PDHX: variants seen among roughly 807,000 people sequenced by gnomAD.
PDHX encodes the protein pyruvate dehydrogenase protein X component, mitochondrial.
In PDHX, 33 loss-of-function variants were observed where a neutral mutation model predicts 55.3. The ratio of observed to expected loss-of-function variants is 0.60; its 90% confidence interval spans 0.45 to 0.80. The LOEUF (loss-of-function observed/expected upper bound fraction) is 0.80. PDHX is among the 30% of genes least tolerant of loss of function. The probability of loss-of-function intolerance (pLI) is 0.00; values close to 1 mark genes in which losing one functional copy is unlikely to be tolerated. For missense variants in PDHX, 622 were observed against 619.9 expected (o/e 1.00, Z -0.04); for synonymous variants, 226 against 219.4 (o/e 1.03, Z -0.27).
At chr11:34,936,558 A>G (rs1038532034) in intron 2 of PDHX, among the ~76,000 whole-genome samples, 2 of 152,154 alleles carry the variant, frequency 1.3e-5, no homozygotes, top group African/African-American at 4.8e-5. Context: ...TTCCAGCTAG[A>G]AAAACATGGG....
chr11:34,940,341 A>G (rs1022119611), intron 2 of PDHX, among the ~76,000 whole-genome samples: 2 of 152,220 alleles, frequency 1.3e-5, no homozygotes. Context: ...TTACTGTATA[A>G]AATTCAGAAA....
chr11:34,984,455 A>T, intron 8 of PDHX, 115 bp from the exon 9 acceptor site: 2 of 829,576 alleles, frequency 2.4e-6, no homozygotes, highest in Non-Finnish European at 3.8e-6. Flanking sequence ...ATTTTTATTT[A>T]TTTTCTCTTA....
chr11:34,986,559 A>G (rs998979157), intron 9 of PDHX, among the ~76,000 whole-genome samples: 3 of 152,206 alleles, frequency 2.0e-5, no homozygotes, highest in African/African-American at 7.2e-5. Flanking sequence ...TTATTTTTAT[A>G]TACATTAAAT....
chr11:34,966,656 G>C lies in PDHX; in HGVS notation c.658G>C (p.Val220Leu), dbSNP rs765747426. 4 of 1,613,720 alleles carry C rather than the reference G, an allele frequency of 2.5e-6. No individual in the cohort carries two copies. The highest frequency in any genetic ancestry group is 2.7e-5 in the African/African-American group (2 of 74,764). The change falls in exon 6 of 11, where the codon GTC (valine) becomes CTC (leucine). Residue 220 changes from valine to leucine, a missense_variant. Coordinates refer to ENST00000227868, the MANE Select transcript of PDHX (RefSeq NM_003477.3). The part of the protein sequence containing the change: ...IFTKEDALKL[V>L]QLKQTGKITE... ...TATTTCCAGGGATGCTCTCAAACTT[G>C]TCCAGTTGAAACAAACGGGCAAGAT...
At chr11:34,935,266 G>A (rs1854281825) in intron 2 of PDHX, among the ~76,000 whole-genome samples, 1 of 152,082 alleles carries the variant, frequency 6.6e-6, no homozygotes, top group Admixed American at 6.5e-5. Flanking sequence ...TTGGAATGTT[G>A]ATATTATTAA....
At chr11:34,964,699 T>C (rs1855089077) in intron 5 of PDHX, among the ~76,000 whole-genome samples, 1 of 148,398 alleles carries the variant, frequency 6.7e-6, no homozygotes, top group Non-Finnish European at 1.5e-5. Context: ...CCCAAGAACC[T>C]TAATTACTAC....
chr11:34,972,141 G>A (rs2761823), intron 7 of PDHX, among the ~76,000 whole-genome samples: 121,637 of 151,708 alleles, frequency 0.8, 48,942 homozygotes, highest in African/African-American at 0.83. Flanking sequence ...TATCAGTTCT[G>A]TTGATCTCGA....
chr11:34,920,075 G>A (rs1853835987), intron 1 of PDHX, among the ~76,000 whole-genome samples: 1 of 152,208 alleles, frequency 6.6e-6, no homozygotes, highest in South Asian at 2.1e-4. Flanking sequence ...AGAGGTGACA[G>A]CCCTTACAGG....
intron 9 of PDHX, among the ~76,000 whole-genome samples, chr11:34,985,992 G>A (rs1217751115): frequency 2.0e-5 from 3 of 152,108 alleles, no homozygotes; most frequent in South Asian, 2.1e-4. Flanking sequence ...GTGTTTGATC[G>A]ATAAAAATGC....
chr11:34,916,857 T>G (rs1590721820), intron 1 of PDHX, 42 bp downstream of exon 1: 1 of 1,512,974 alleles, frequency 6.6e-7, no homozygotes, highest in Non-Finnish European at 9.0e-7. Flanking sequence ...TGTAGCTGAG[T>G]GATGGGCCTG....
intron 5 of PDHX, among the ~76,000 whole-genome samples, chr11:34,966,058 AT>A (rs1276435598): frequency 6.6e-6 from 1 of 152,094 alleles, no homozygotes; most frequent in Non-Finnish European, 1.5e-5. Context: ...GTAACTAGTT[AT>A]TTTTCATTCT....
intron 1 of PDHX, among the ~76,000 whole-genome samples, chr11:34,917,134 C>T (rs978098060): frequency 1.6e-4 from 24 of 152,242 alleles, no homozygotes; most frequent in African/African-American, 5.5e-4. Flanking sequence ...CCAATCAAGG[C>T]TCAGGTTTCT....
chr11:34,994,299 T>C (rs528232578), intron 10 of PDHX, among the ~76,000 whole-genome samples: 3 of 152,216 alleles, frequency 2.0e-5, no homozygotes, highest in Non-Finnish European at 4.4e-5. Context: ...GATGAGTATT[T>C]GGGTATCTAA....
intron 5 of PDHX, among the ~76,000 whole-genome samples, chr11:34,964,010 G>T (rs1855076859): frequency 6.6e-6 from 1 of 152,152 alleles, no homozygotes; most frequent in Admixed American, 6.5e-5. Context: ...ATGAATTCAT[G>T]TCACACCCAA....
intron 8 of PDHX, among the ~76,000 whole-genome samples, chr11:34,983,829 T>G (rs2133997055): frequency 6.6e-6 from 1 of 152,246 alleles, no homozygotes; most frequent in Admixed American, 6.5e-5. Flanking sequence ...GAATCGATAT[T>G]GTGAAAATGG....
chr11:34,939,550 A>T (rs993779792), intron 2 of PDHX, among the ~76,000 whole-genome samples: 1 of 152,168 alleles, frequency 6.6e-6, no homozygotes, highest in Non-Finnish European at 1.5e-5. Context: ...GTAAGGGTGC[A>T]AAGAAAAAAC....
intron 7 of PDHX, among the ~76,000 whole-genome samples, chr11:34,973,260 C>T (rs1188294596): frequency 2.6e-5 from 4 of 152,118 alleles, no homozygotes; most frequent in African/African-American, 9.7e-5. Context: ...TTCTTTGACT[C>T]GTGTTTCTAT....
chr11:34,964,301 G>A (rs1186699035), intron 5 of PDHX, among the ~76,000 whole-genome samples: 8 of 152,054 alleles, frequency 5.3e-5, no homozygotes, highest in Admixed American at 2.0e-4. Context: ...AGGTATGTAA[G>A]TATAAAATCA....
At chr11:34,975,449 A>C (rs999490572) in intron 7 of PDHX, among the ~76,000 whole-genome samples, 1 of 151,876 alleles carries the variant, frequency 6.6e-6, no homozygotes, top group Non-Finnish European at 1.5e-5. Context: ...TTTATGTTTC[A>C]TATTGGATAA....
Sources: gnomAD v4.1 joint callset for allele counts (sites outside exome capture counted in the v4.1 genomes callset) on GRCh38, gnomAD v4.1.1 for gene constraint, MANE v1.5 for transcripts, NCBI Gene and HGNC (gene_info 2026-07-23, HGNC 2026-07-21) for gene names.